The following SUGCT variants were observed in gnomAD, a reference collection of about 807,000 sequenced individuals.
The protein encoded by SUGCT is succinyl-CoA:glutarate CoA-transferase.
Under a neutral mutation model 55.0 loss-of-function variants are expected in SUGCT, and 41 were observed. The ratio of observed to expected loss-of-function variants is 0.74; its 90% CI spans 0.58 to 0.97. The LOEUF is 0.97. Among genes scored for constraint, SUGCT ranks in the 50% least tolerant of loss-of-function variants. The pLI is 0.00. For synonymous variants in SUGCT, 187 were observed against 200.4 expected (o/e 0.93, Z 0.56); for missense variants, 568 against 547.8 (o/e 1.04, Z -0.37).
chr7:40,983,424 A>T, the SUGCT span, among the ~76,000 whole-genome samples: 2 of 152,122 alleles, frequency 1.3e-5, no homozygotes, highest in African/African-American at 2.4e-5. Context: ...GAGCCAACAC[A>T]TCTGTCATAT....
chr7:40,513,073 T>C (rs1480541097), intron 12 of SUGCT, among the ~76,000 whole-genome samples: 1 of 152,076 alleles, frequency 6.6e-6, no homozygotes, highest in African/African-American at 2.4e-5. Flanking sequence ...AGTTGACAAA[T>C]GTAGGGGAGA....
chr7:40,444,913 A>T (rs1464470023), intron 9 of SUGCT, among the ~76,000 whole-genome samples: 1 of 152,168 alleles, frequency 6.6e-6, no homozygotes, highest in Non-Finnish European at 1.5e-5. Context: ...TACCTCGTTT[A>T]TTGAGAGTTT....
chr7:40,168,270 A>G (rs1784512597), intron 1 of SUGCT, among the ~76,000 whole-genome samples: 1 of 152,164 alleles, frequency 6.6e-6, no homozygotes, highest in African/African-American at 2.4e-5. Flanking sequence ...AGGTTGGCCA[A>G]TGACCACTCT....
the SUGCT span, among the ~76,000 whole-genome samples, chr7:41,023,476 AAAAAT>A: frequency 6.6e-6 from 1 of 152,156 alleles, no homozygotes. Context: ...GAAATAAAGA[AAAAAT>A]AAAAATATAT....
rs1307572708 is a variant in SUGCT at position 40,430,648 on chromosome 7, G to A, written c.817-18639G>A. On this transcript the variant is annotated intron_variant, in intron 9 of 13. Transcript: ENST00000335693. ...TTTTGTTTATGGTTTTCTTTGCTATGCAGAATCTTTTAAGTTTGATGTAGT... is the reference window on the plus strand; with the variant it reads ...TTTTGTTTATGGTTTTCTTTGCTATACAGAATCTTTTAAGTTTGATGTAGT... 2.0e-5 allele frequency among the ~76,000 whole-genome samples: 3 copies of A among 152,088 alleles called. No homozygotes were observed. The South Asian group carries it at 6.2e-4, about 31-fold the overall frequency.
intron 13 of SUGCT, among the ~76,000 whole-genome samples, chr7:40,831,924 A>C (rs1272880733): frequency 6.6e-6 from 1 of 152,204 alleles, no homozygotes; most frequent in African/African-American, 2.4e-5. Context: ...CTCCCAGAGG[A>C]GGAGTCTTCT....
At chr7:40,309,363 C>T (rs1045771852) in intron 8 of SUGCT, among the ~76,000 whole-genome samples, 1 of 151,940 alleles carries the variant, frequency 6.6e-6, no homozygotes, top group African/African-American at 2.4e-5. Flanking sequence ...AGTGCAATGG[C>T]TCTATCTCGG....
the SUGCT span, among the ~76,000 whole-genome samples, chr7:40,946,812 A>G: frequency 6.6e-6 from 1 of 152,192 alleles, no homozygotes; most frequent in Non-Finnish European, 1.5e-5. Flanking sequence ...GAAATCAGCA[A>G]TTAATACTAT....
chr7:41,022,725 T>A, the SUGCT span, among the ~76,000 whole-genome samples: 1 of 152,156 alleles, frequency 6.6e-6, no homozygotes, highest in Non-Finnish European at 1.5e-5. Flanking sequence ...ATTGATTTAC[T>A]GTGCTAAATA....
Position 40,623,096 on chromosome 7 carries a change from A to G in SUGCT, c.1090-126338A>G, listed in dbSNP as rs999099475. Reference sequence around the variant, plus strand: ...CTGATGCTTGATAACAGGATTTTCTAGAAATCTCCCTGCCAGTAAAGACAT... The same window carrying G: ...CTGATGCTTGATAACAGGATTTTCTGGAAATCTCCCTGCCAGTAAAGACAT... On this transcript the variant is annotated intron_variant, in intron 12 of 13. Transcript: ENST00000335693. Among the ~76,000 whole-genome samples, 9 of 152,174 alleles carry G rather than the reference A, an allele frequency of 5.9e-5. No individual in the cohort carries two copies. The East Asian group carries it at 1.2e-3, about 20-fold the overall frequency.
chr7:41,014,150 A>G, the SUGCT span, among the ~76,000 whole-genome samples: 20 of 152,292 alleles, frequency 1.3e-4, no homozygotes, highest in African/African-American at 4.8e-4. Context: ...TGATGAAACC[A>G]CTGAGGTGGA....
chr7:41,013,696 G>C, the SUGCT span, among the ~76,000 whole-genome samples: 139 of 152,164 alleles, frequency 9.1e-4, no homozygotes, highest in African/African-American at 3.2e-3. Flanking sequence ...CACATTCCAA[G>C]AGGTTACCTC....
chr7:40,785,110 T>G (rs755053283), intron 13 of SUGCT: 7 of 152,152 alleles, frequency 4.6e-5, no homozygotes, highest in Non-Finnish European at 1.0e-4. Flanking sequence ...TACATAAATT[T>G]TATCAATGGA....
chr7:40,968,069 A>C, the SUGCT span: 1 of 152,208 alleles, frequency 6.6e-6, no homozygotes, highest in Non-Finnish European at 1.5e-5. Context: ...CATGAACCTA[A>C]GAAATTTTCC....
intron 12 of SUGCT, among the ~76,000 whole-genome samples, chr7:40,562,170 G>A (rs1041291784): frequency 2.6e-5 from 4 of 151,760 alleles, no homozygotes; most frequent in Non-Finnish European, 5.9e-5. Context: ...GTGGTGGTGG[G>A]TGCCTGTAGT....
intron 12 of SUGCT, among the ~76,000 whole-genome samples, chr7:40,642,147 G>T (rs1468559973): frequency 1.3e-5 from 2 of 152,164 alleles, no homozygotes; most frequent in African/African-American, 4.8e-5. Flanking sequence ...GAATTCCCCT[G>T]ACACTCACTG....
chr7:40,429,592 C>T lies in SUGCT; in HGVS notation c.817-19695C>T, dbSNP rs1006403534. ...GTTTGACGACAGGAAGCATCCATCA[C>T]GGGAGAAAGATGGAGGCCAGGAGAC... On this transcript the variant is annotated intron_variant, in intron 9 of 13. Coordinates refer to ENST00000335693, the MANE Select transcript of SUGCT (RefSeq NM_001193313.2). Among the ~76,000 whole-genome samples the T allele has an allele frequency of 1.4e-4, 21 of 152,130 alleles. 1 individual carries two copies. The highest frequency in any genetic ancestry group is 9.2e-4 in the Admixed American group (14 of 15,270).
chr7:40,923,175 C>T, the SUGCT span, among the ~76,000 whole-genome samples: 1 of 152,148 alleles, frequency 6.6e-6, no homozygotes, highest in Non-Finnish European at 1.5e-5. Flanking sequence ...TGGGTGTGCA[C>T]CCTGTGGAGA....
chr7:40,587,575 G>A (rs1460617095), intron 12 of SUGCT, among the ~76,000 whole-genome samples: 1 of 152,172 alleles, frequency 6.6e-6, no homozygotes, highest in African/African-American at 2.4e-5. Context: ...CACATTAAAT[G>A]TTTATTCAAT....
Sources: gnomAD v4.1 joint callset for allele counts (sites outside exome capture counted in the v4.1 genomes callset) on GRCh38, gnomAD v4.1.1 for gene constraint, MANE v1.5 for transcripts, NCBI Gene and HGNC (gene_info 2026-07-23, HGNC 2026-07-21) for gene names.